RAI14: variants seen among roughly 807,000 people sequenced by gnomAD.
The protein encoded by RAI14 is ankycorbin.
In RAI14, 45 loss-of-function variants were observed where a neutral mutation model predicts 115.4. The observed-to-expected ratio is 0.39, with a 90% CI of 0.31 to 0.50. The LOEUF is 0.50. Ranked by LOEUF, RAI14 falls within the 20% of genes least tolerant of loss-of-function variation. The pLI is 0.85. For missense variants in RAI14, 939 were observed against 1,131.2 expected (o/e 0.83, Z 2.44); for synonymous variants, 371 against 415.4 (o/e 0.89, Z 1.30).
intron 2 of RAI14, among the ~76,000 whole-genome samples, chr5:34,695,803 C>CT (rs376091071): frequency 0.47 from 60,949 of 128,910 alleles, 16,406 homozygotes; most frequent in South Asian, 0.66. Context: ...AAGCACTTTC[C>CT]TTTTTTTTTT....
Position 34,824,223 on chromosome 5 carries a change from C to A in RAI14, c.2381C>A (p.Ser794Ter). ...VPRSSYEKLQ[S>*]SLESEVSVLA... Reference sequence around the variant, plus strand: ...CGGTCTTCCTATGAAAAACTCCAGTCATCCTTAGAGAGTGAAGTGAGTGTG... The same window carrying A: ...CGGTCTTCCTATGAAAAACTCCAGTAATCCTTAGAGAGTGAAGTGAGTGTG... Residue 794 changes from serine (S) to a stop codon, truncating the protein, a stop_gained, in exon 15 of 18, where the codon TCA becomes TAA. Coordinates refer to ENST00000265109, the MANE Select transcript of RAI14 (RefSeq NM_015577.3). LOFTEE classifies it high-confidence loss of function. 6.2e-7 allele frequency: 1 copy of A among 1,614,184 alleles called. No individual in the cohort carries two copies. The highest frequency in any genetic ancestry group is 1.1e-5 in the South Asian group (1 of 91,070).
At chr5:34,817,970 T>C (rs1004892364) in intron 12 of RAI14, among the ~76,000 whole-genome samples, 19 of 152,224 alleles carry the variant, frequency 1.2e-4, no homozygotes, top group Admixed American at 1.1e-3. Context: ...TTATACGTTA[T>C]ATAGTGGAAA....
chr5:34,717,498 C>T (rs1266491654), intron 2 of RAI14, among the ~76,000 whole-genome samples: 3 of 151,956 alleles, frequency 2.0e-5, no homozygotes, highest in Non-Finnish European at 4.4e-5. Flanking sequence ...CCATTTTGGG[C>T]GGGGGGGAAT....
intron 2 of RAI14, chr5:34,687,571 T>G: frequency 6.9e-7 from 1 of 1,449,594 alleles, no homozygotes; most frequent in Non-Finnish European, 9.1e-7. Context: ...GAGAAAAACA[T>G]AGCAGAGGGG....
At chr5:34,713,209 A>T (rs11957792) in intron 2 of RAI14, among the ~76,000 whole-genome samples, 46,210 of 151,896 alleles carry the variant, frequency 0.3, 8,588 homozygotes, top group African/African-American at 0.54. Context: ...GCTGGTGAGG[A>T]TGGTGGATAA....
intron 16 of RAI14, among the ~76,000 whole-genome samples, chr5:34,826,827 G>A (rs920890935): frequency 1.3e-5 from 2 of 152,094 alleles, no homozygotes; most frequent in African/African-American, 4.8e-5. Context: ...GCTTTTTCTT[G>A]TTAGGGGCCA....
At chr5:34,777,126 A>T (rs1352384410) in intron 3 of RAI14, among the ~76,000 whole-genome samples, 2 of 151,994 alleles carry the variant, frequency 1.3e-5, no homozygotes, top group African/African-American at 4.8e-5. Context: ...AGATTGCACC[A>T]TTGCACTCCA....
intron 2 of RAI14, among the ~76,000 whole-genome samples, chr5:34,721,131 C>T (rs1233181366): frequency 6.6e-6 from 1 of 151,826 alleles, no homozygotes; most frequent in Non-Finnish European, 1.5e-5. Flanking sequence ...AAGTCTCTTT[C>T]TTCCCATTGC....
Position 34,829,803 on chromosome 5 carries a change from G to T in RAI14, c.2865+6G>T, listed in dbSNP as rs976733256. The stretch of plus-strand genomic sequence containing the variant: ...ATCTTCTGTATGCTGTGCAGGTATG[G>T]TTATGCCCCTTGAAGTATCTGGACA... On this transcript the variant is annotated splice_donor_region_variant and intron_variant, in intron 17 of 17. Coordinates refer to ENST00000265109, the MANE Select transcript of RAI14 (RefSeq NM_015577.3). 104 of 1,603,560 alleles carry T rather than the reference G, an allele frequency of 6.5e-5. No individual in the cohort carries two copies. Among genetic ancestry groups the T allele is most frequent in the Non-Finnish European group, 8.4e-5 (99 of 1,173,518 alleles).
intron 2 of RAI14, among the ~76,000 whole-genome samples, chr5:34,750,124 T>C (rs1161905091): frequency 6.6e-6 from 1 of 152,138 alleles, no homozygotes; most frequent in Non-Finnish European, 1.5e-5. Context: ...TGTTTATGTA[T>C]GCTGCATCTG....
chr5:34,784,465 A>G (rs898553195), intron 3 of RAI14, among the ~76,000 whole-genome samples: 24 of 152,196 alleles, frequency 1.6e-4, no homozygotes, highest in African/African-American at 5.8e-4. Flanking sequence ...GCTGAGTAAG[A>G]CTATTTATAA....
At chr5:34,778,318 A>G (rs143904651) in intron 3 of RAI14, among the ~76,000 whole-genome samples, 2,082 of 152,302 alleles carry the variant, frequency 0.014, 46 homozygotes, top group African/African-American at 0.047. Flanking sequence ...CTGCATTTCT[A>G]ACATGCTCCT....
intron 2 of RAI14, among the ~76,000 whole-genome samples, chr5:34,736,426 T>C (rs902689003): frequency 2.0e-5 from 3 of 151,908 alleles, no homozygotes; most frequent in Non-Finnish European, 4.4e-5. Flanking sequence ...ATGGCAAGTG[T>C]TTTTTGTTTT....
intron 2 of RAI14, among the ~76,000 whole-genome samples, chr5:34,687,351 T>C (rs1028345537): frequency 6.6e-6 from 1 of 152,154 alleles, no homozygotes; most frequent in African/African-American, 2.4e-5. Context: ...CATATTAGCA[T>C]GGTTCATCTT....
intron 3 of RAI14, among the ~76,000 whole-genome samples, chr5:34,781,567 A>C (rs1270297659): frequency 6.6e-6 from 1 of 152,176 alleles, no homozygotes; most frequent in African/African-American, 2.4e-5. Flanking sequence ...TCAAATTCTC[A>C]TCTCTTAAAT....
At chr5:34,677,538 G>A (rs1432236551) in intron 1 of RAI14, among the ~76,000 whole-genome samples, 4 of 151,398 alleles carry the variant, frequency 2.6e-5, no homozygotes, top group Admixed American at 6.6e-5. Context: ...TCAAACTCCT[G>A]GGCTCAAGTG....
chr5:34,659,993 C>T (rs1742570418), intron 1 of RAI14, among the ~76,000 whole-genome samples: 1 of 151,496 alleles, frequency 6.6e-6, no homozygotes, highest in Non-Finnish European at 1.5e-5. Context: ...GCCTGGGAAA[C>T]ATGGTAAAAC....
chr5:34,700,475 C>T (rs1439949478), intron 2 of RAI14, among the ~76,000 whole-genome samples: 1 of 152,178 alleles, frequency 6.6e-6, no homozygotes, highest in Non-Finnish European at 1.5e-5. Flanking sequence ...GATACTTGTC[C>T]TTGCTCTCCC....
intron 2 of RAI14, among the ~76,000 whole-genome samples, chr5:34,713,768 C>T (rs1741681825): frequency 6.6e-6 from 1 of 151,974 alleles, no homozygotes; most frequent in Non-Finnish European, 1.5e-5. Flanking sequence ...CTGAGACAGT[C>T]CTACTATCCT....
Sources: allele counts gnomAD v4.1 joint callset (sites outside exome capture counted in the v4.1 genomes callset), GRCh38; gene constraint gnomAD v4.1.1; transcripts MANE v1.5; gene names NCBI Gene and HGNC (gene_info 2026-07-23, HGNC 2026-07-21).